RAD50: variants seen among roughly 807,000 people sequenced by gnomAD.
RAD50 encodes DNA repair protein RAD50.
Under a neutral mutation model 168.8 loss-of-function variants are expected in RAD50, and 132 were observed. The observed-to-expected ratio is 0.78, with a 90% CI of 0.68 to 0.90. RAD50 has a LOEUF of 0.90. RAD50 is among the 40% of genes least tolerant of loss of function. The probability of loss-of-function intolerance (pLI) is 0.00; values close to 1 mark genes in which losing one functional copy is unlikely to be tolerated. For missense variants in RAD50, 1,347 were observed against 1,534.4 expected, an observed-to-expected ratio of 0.88 and a Z score of 2.04; for synonymous variants, 525 against 497.4, an observed-to-expected ratio of 1.06 and a Z score of -0.74.
chr5:132,618,799 AT>A (rs1416664116), intron 21 of RAD50, among the ~76,000 whole-genome samples: 1 of 152,218 alleles, frequency 6.6e-6, no homozygotes, highest in East Asian at 1.9e-4. Flanking sequence ...GCATATTAAT[AT>A]CTACGAGTAT....
chr5:132,575,781 C>G lies in RAD50; in HGVS notation c.218C>G (p.Ala73Gly). ...TTTCTGTGTTTTCCTTCAAAGGTTG[C>G]TCAAGAAACAGATGTGAGAGCCCAG... ...GNTFVHDPKV[A>G]QETDVRAQIR... The change falls in exon 3 of 25, where the codon GCT becomes GGT. Residue 73 changes from alanine (A) to glycine (G), a missense_variant. Transcript: ENST00000378823. 1 of 1,592,426 alleles carries G rather than the reference C, an allele frequency of 6.3e-7. No individual in the cohort carries two copies. Among genetic ancestry groups the G allele is most frequent in the Non-Finnish European group, 8.6e-7 (1 of 1,160,334 alleles).
Position 132,640,795 on chromosome 5 carries a change from G to A in RAD50, c.3742G>A (p.Ala1248Thr), listed in dbSNP as rs1581023861. 1.2e-6 allele frequency: 2 copies of A among 1,613,232 alleles called. No individual in the cohort carries two copies. Among genetic ancestry groups the A allele is most frequent in the South Asian group, 2.2e-5 (2 of 91,030 alleles). The change falls in exon 24 of 25, where the codon GCT becomes ACT. Residue 1248 changes from alanine (A) to threonine (T), a missense_variant. By Grantham distance (58) the Ala-to-Thr change is moderately conservative. This residue lies in a region of RAD50 where 635 missense variants were observed against 739.2 expected (regional missense o/e 0.86). Coordinates refer to ENST00000378823, the MANE Select transcript of RAD50 (RefSeq NM_005732.4). ...AGAAAACATTGAATCTCTTGCACAT[G>A]CTCTGGTTGAGTAAGTATCTCTTGC... ...DRENIESLAH[A>T]LVEIIKSRSQ... is the part of the protein sequence containing the mutation.
intron 2 of RAD50, among the ~76,000 whole-genome samples, chr5:132,570,282 G>T (rs1443010477): frequency 1.3e-5 from 2 of 152,224 alleles, no homozygotes; most frequent in South Asian, 2.1e-4. Context: ...GGGGGGAAAT[G>T]GAGAAAGAGC....
At chr5:132,632,724 G>A (rs776366773) in intron 21 of RAD50, among the ~76,000 whole-genome samples, 14 of 152,170 alleles carry the variant, frequency 9.2e-5, no homozygotes, top group Admixed American at 3.3e-4. Context: ...TGGCTCAGAT[G>A]TTATGTATAT....
intron 14 of RAD50, 41 bp downstream of exon 14, chr5:132,603,530 A>G (rs1027726025): frequency 1.9e-6 from 3 of 1,584,000 alleles, no homozygotes; most frequent in Non-Finnish European, 2.6e-6. Context: ...AACTTGTTCC[A>G]TGGTGGCTTG....
At chr5:132,559,802 C>G (rs1750091780) in intron 2 of RAD50, among the ~76,000 whole-genome samples, 1 of 151,990 alleles carries the variant, frequency 6.6e-6, no homozygotes, top group African/African-American at 2.4e-5. Flanking sequence ...ATAAGCCAGG[C>G]TTGGGGGTGT....
At chr5:132,568,863 C>T (rs182814257) in intron 2 of RAD50, among the ~76,000 whole-genome samples, 12 of 152,272 alleles carry the variant, frequency 7.9e-5, no homozygotes, top group Non-Finnish European at 1.2e-4. Context: ...AGGAAAATGT[C>T]GAAAATGATT....
chr5:132,605,875 G>A (rs1411799501), intron 16 of RAD50, among the ~76,000 whole-genome samples: 2 of 152,140 alleles, frequency 1.3e-5, no homozygotes, highest in Admixed American at 1.3e-4. Context: ...GCTCCCGAAT[G>A]ACTACCGGTT....
At chr5:132,570,406 C>T (rs1055328582) in intron 2 of RAD50, among the ~76,000 whole-genome samples, 1 of 152,242 alleles carries the variant, frequency 6.6e-6, no homozygotes, top group African/African-American at 2.4e-5. Flanking sequence ...GCGGTCTTGT[C>T]TACATTGAAA....
intron 3 of RAD50, 72 bp from the exon 4 acceptor site, chr5:132,579,245 G>A: frequency 6.9e-7 from 1 of 1,457,008 alleles, no homozygotes. Flanking sequence ...AGTACAGTAT[G>A]AATTGATTAA....
chr5:132,577,686 CTT>C (rs1391159014), intron 3 of RAD50, among the ~76,000 whole-genome samples: 1 of 151,558 alleles, frequency 6.6e-6, no homozygotes, highest in African/African-American at 2.4e-5. Flanking sequence ...TAATCACATT[CTT>C]ATCCATTGCT....
intron 21 of RAD50, among the ~76,000 whole-genome samples, chr5:132,632,963 G>A (rs769047049): frequency 6.6e-6 from 1 of 151,802 alleles, no homozygotes; most frequent in Non-Finnish European, 1.5e-5. Context: ...ATATCTCTTT[G>A]CCAGTTTTTC....
intron 22 of RAD50, 22 bp from the exon 23 acceptor site, chr5:132,638,059 A>C (rs768027839): frequency 1.6e-5 from 25 of 1,612,836 alleles, no homozygotes; most frequent in Non-Finnish European, 2.0e-5. Context: ...GTTCCTCTAA[A>C]ATATTCTTCT....
chr5:132,626,942 G>A (rs184434531), intron 21 of RAD50, among the ~76,000 whole-genome samples: 89 of 152,060 alleles, frequency 5.9e-4, no homozygotes, highest in African/African-American at 2.0e-3. Context: ...GTGCAGTGGC[G>A]TGATCTCTGC....
At position 132,628,098 on chromosome 5, in the gene RAD50, C is replaced by G. The variant is rs907549765; in HGVS notation, c.3390-9017C>G. ...ACTGGGGAGAGAAAATCAGTAGTTC[C>G]GTTTTGTACACTTTAAGTTTGAAGT... On this transcript the variant is annotated intron_variant, in intron 21 of 24. Transcript: ENST00000378823. Among the ~76,000 whole-genome samples, 4 of 152,102 alleles carry G rather than the reference C, an allele frequency of 2.6e-5. No homozygotes were observed. In the East Asian group the frequency reaches 7.7e-4, roughly 29 times the overall value.
chr5:132,619,181 G>A (rs993983928), intron 21 of RAD50, among the ~76,000 whole-genome samples: 15 of 152,082 alleles, frequency 9.9e-5, no homozygotes, highest in Admixed American at 2.0e-4. Context: ...CATGTCTTCT[G>A]GAGGAAAGGT....
At chr5:132,580,916 C>T (rs938593718) in intron 5 of RAD50, among the ~76,000 whole-genome samples, 1 of 151,852 alleles carries the variant, frequency 6.6e-6, no homozygotes, top group South Asian at 2.1e-4. Context: ...AAAAAACTCA[C>T]CTGTAAATAC....
chr5:132,560,952 A>C (rs936736335), intron 2 of RAD50, among the ~76,000 whole-genome samples: 1 of 151,904 alleles, frequency 6.6e-6, no homozygotes, highest in Non-Finnish European at 1.5e-5. Context: ...CCCTCAATCT[A>C]CTCCATTCAG....
intron 19 of RAD50, among the ~76,000 whole-genome samples, chr5:132,613,594 C>CT (rs869151568): frequency 0.21 from 22,771 of 110,970 alleles, 2,693 homozygotes; most frequent in African/African-American, 0.29. Context: ...TCACAATAGT[C>CT]TTTTTTTTTT....
Sources: allele counts gnomAD v4.1 joint callset (sites outside exome capture counted in the v4.1 genomes callset), GRCh38; gene constraint gnomAD v4.1.1; regional missense constraint gnomAD v4.1.1; transcripts MANE v1.5; gene names NCBI Gene and HGNC (gene_info 2026-07-23, HGNC 2026-07-21).